DLC1: variants seen among roughly 807,000 people sequenced by gnomAD.
The protein encoded by DLC1 is rho GTPase-activating protein 7.
A neutral mutation model predicts 140.3 loss-of-function variants in DLC1; 54 were observed. The observed-to-expected ratio is 0.38, with a 90% CI of 0.31 to 0.48. DLC1 has a LOEUF of 0.48. DLC1 is among the 20% of genes least tolerant of loss of function. DLC1 has a pLI of 0.96. For synonymous variants in DLC1, 986 were observed against 728.1 expected (o/e 1.35, Z -5.70); for missense variants, 2,536 against 1,907.0 (o/e 1.33, Z -6.14).
intron 1 of DLC1, among the ~76,000 whole-genome samples, chr8:13,600,567 A>G (rs572674902): frequency 6.6e-6 from 1 of 152,054 alleles, no homozygotes; most frequent in East Asian, 1.9e-4. Flanking sequence ...ACAATGTGGT[A>G]CAGATGCAGT....
intron 13 of DLC1, 114 bp downstream of exon 13, chr8:13,092,498 G>T: frequency 1.7e-6 from 2 of 1,182,558 alleles, no homozygotes; most frequent in Non-Finnish European, 2.4e-6. Flanking sequence ...TAATATAGCG[G>T]TCTAACCTTC....
chr8:13,102,985 G>A lies in DLC1; in HGVS notation c.1503-132C>T, dbSNP rs531529072. The stretch of plus-strand genomic sequence containing the variant: ...TCAGTAATACCTAATACCTAGAGGA[G>A]TATTAGAAACTTATTTAAAAAGTGA... On this transcript the variant is annotated intron_variant, in intron 7 of 17. Coordinates refer to ENST00000276297, the MANE Select transcript of DLC1 (RefSeq NM_182643.3). 109 of 721,094 alleles carry A rather than the reference G, an allele frequency of 1.5e-4. 2 individuals are homozygous for A. The South Asian group carries it at 1.9e-3, about 13-fold the overall frequency. 44.7% of individuals were successfully genotyped at this position (721,094 alleles called of 1,614,324 possible).
At chr8:13,087,522 C>T (rs1449497129) in intron 16 of DLC1, among the ~76,000 whole-genome samples, 1 of 152,216 alleles carries the variant, frequency 6.6e-6, no homozygotes, top group Admixed American at 6.5e-5. Context: ...CTGTGAGATT[C>T]TGTTAGAGCA....
intron 1 of DLC1, among the ~76,000 whole-genome samples, chr8:13,603,428 T>C (rs906078808): frequency 1.3e-5 from 2 of 151,742 alleles, no homozygotes; most frequent in African/African-American, 4.8e-5. Flanking sequence ...CTAGCTGGTA[T>C]GGAAACTGAA....
intron 2 of DLC1, among the ~76,000 whole-genome samples, chr8:13,433,053 C>T (rs934578325): frequency 2.1e-5 from 3 of 146,072 alleles, no homozygotes; most frequent in Non-Finnish European, 4.5e-5. Flanking sequence ...ATAGCACAGA[C>T]ATTTGGAAAG....
intron 4 of DLC1, among the ~76,000 whole-genome samples, chr8:13,348,255 G>T (rs1342999568): frequency 1.3e-5 from 2 of 152,180 alleles, no homozygotes; most frequent in Non-Finnish European, 2.9e-5. Flanking sequence ...TATGTGTGTG[G>T]TTGAAGGTTG....
In DLC1 at chr8:13,499,089, T is replaced by C; in HGVS notation, c.983A>G (p.Gln328Arg). Residue 328 changes from glutamine (Q) to arginine (R), a missense_variant, in exon 2 of 18, where the codon CAG (glutamine) becomes CGG (arginine). Transcript: ENST00000276297. ...CLQLKETLAT[Q>R]EPTDNQVRLR... ...TCTGACTTGGTTATCTGTGGGTTCC[T>C]GGGTGGCCAGGGTCTCCTTTAATTG... 6.2e-7 allele frequency: 1 copy of C among 1,613,866 alleles called. No homozygotes were observed. Among genetic ancestry groups the C allele is most frequent in the Non-Finnish European group, 8.5e-7 (1 of 1,179,878 alleles).
At chr8:13,399,850 T>A (rs1837217639) in intron 3 of DLC1, among the ~76,000 whole-genome samples, 1 of 151,818 alleles carries the variant, frequency 6.6e-6, no homozygotes, top group Non-Finnish European at 1.5e-5. Context: ...CAAACTGGGG[T>A]GGGGTAGGGG....
At chr8:13,263,100 G>C (rs1476081263) in intron 5 of DLC1, among the ~76,000 whole-genome samples, 1 of 152,006 alleles carries the variant, frequency 6.6e-6, no homozygotes, top group Non-Finnish European at 1.5e-5. Flanking sequence ...CAATATTTGG[G>C]GAAAGGATTG....
At chr8:13,359,384 T>C (rs957361311) in intron 4 of DLC1, among the ~76,000 whole-genome samples, 3 of 152,340 alleles carry the variant, frequency 2.0e-5, no homozygotes, top group African/African-American at 7.2e-5. Flanking sequence ...TATACAAATC[T>C]GGGCAAATGG....
At chr8:13,374,687 C>T (rs1261496469) in intron 4 of DLC1, among the ~76,000 whole-genome samples, 2 of 152,116 alleles carry the variant, frequency 1.3e-5, no homozygotes, top group Non-Finnish European at 2.9e-5. Flanking sequence ...GAGGCTGAGG[C>T]AGGAGAATCA....
intron 10 of DLC1, among the ~76,000 whole-genome samples, chr8:13,096,517 A>G (rs1818510183): frequency 6.6e-6 from 1 of 152,166 alleles, no homozygotes; most frequent in South Asian, 2.1e-4. Context: ...AAGTGTGCAT[A>G]ATACTCGCTT....
At chr8:13,409,666 A>T (rs189179039) in intron 2 of DLC1, among the ~76,000 whole-genome samples, 1 of 151,464 alleles carries the variant, frequency 6.6e-6, no homozygotes, top group Non-Finnish European at 1.5e-5. Flanking sequence ...GGTATATCAG[A>T]CGAAACCCTT....
intron 4 of DLC1, among the ~76,000 whole-genome samples, chr8:13,380,915 G>C (rs1836224285): frequency 6.6e-6 from 1 of 152,124 alleles, no homozygotes; most frequent in Non-Finnish European, 1.5e-5. Context: ...AAAGTGATTT[G>C]GGATTTTTGT....
In DLC1 at chr8:13,589,689, G is replaced by GT. The variant is rs5889464; in HGVS notation, c.-126+14847dup. On this transcript the variant is annotated intron_variant, in intron 1 of 1. Transcript: ENST00000631382. ...TGCCCAGTTCTATATAGAATGCTCT[G>GT]TTTTTTTTTTTTCACAGATTTAGGA... Among the ~76,000 whole-genome samples the GT allele has an allele frequency of 6.7e-3, 975 of 145,670 alleles. 13 individuals carry two copies. Among genetic ancestry groups the GT allele is most frequent in the African/African-American group, 0.023 (914 of 39,998 alleles).
intron 3 of DLC1, among the ~76,000 whole-genome samples, chr8:13,396,232 TG>T (rs1837039852): frequency 6.6e-6 from 1 of 151,984 alleles, no homozygotes; most frequent in Admixed American, 6.5e-5. Flanking sequence ...GCTAAATTTT[TG>T]TATTTTTACT....
chr8:13,538,631 C>T (rs989681508), intron 1 of DLC1, among the ~76,000 whole-genome samples: 1 of 152,244 alleles, frequency 6.6e-6, no homozygotes, highest in African/African-American at 2.4e-5. Context: ...TTCATTTCAG[C>T]CAGTAATCCT....
chr8:13,591,321 G>A (rs547904614), intron 1 of DLC1, among the ~76,000 whole-genome samples: 3 of 152,188 alleles, frequency 2.0e-5, no homozygotes, highest in Non-Finnish European at 2.9e-5. Flanking sequence ...GGACGCAGTG[G>A]GAGGTAATTA....
chr8:13,185,459 C>A (rs912537461), intron 5 of DLC1, among the ~76,000 whole-genome samples: 1 of 151,928 alleles, frequency 6.6e-6, no homozygotes, highest in African/African-American at 2.4e-5. Flanking sequence ...AGGCGCCCGC[C>A]ACCACGCCCG....
Sources: gnomAD v4.1 joint callset for allele counts (sites outside exome capture counted in the v4.1 genomes callset) on GRCh38, gnomAD v4.1.1 for gene constraint, MANE v1.5 for transcripts, NCBI Gene and HGNC (gene_info 2026-07-23, HGNC 2026-07-21) for gene names.